COG5: variants seen among roughly 807,000 people sequenced by gnomAD.
COG5 encodes the protein conserved oligomeric Golgi complex subunit 5.
In COG5, 86 loss-of-function variants were observed where a neutral mutation model predicts 110.4. The ratio of observed to expected loss-of-function variants is 0.78; its 90% CI spans 0.65 to 0.93. The LOEUF (loss-of-function observed/expected upper bound fraction) is 0.93, where lower values mean the gene tolerates loss of function less well. Ranked by LOEUF, COG5 falls within the 40% of genes least tolerant of loss-of-function variation. The pLI, the probability that COG5 is intolerant of heterozygous loss-of-function variation, is 0.00. For synonymous variants in COG5, 360 were observed against 334.6 expected (o/e 1.08, Z -0.83); for missense variants, 1,077 against 987.0 (o/e 1.09, Z -1.22).
chr7:107,502,114 A>C (rs1329774987), intron 6 of COG5, among the ~76,000 whole-genome samples: 1 of 152,094 alleles, frequency 6.6e-6, no homozygotes, highest in Non-Finnish European at 1.5e-5. Context: ...TACACCTATC[A>C]CACAAGTAGT....
chr7:107,416,709 G>A (rs538756804), intron 6 of COG5, among the ~76,000 whole-genome samples: 10 of 152,070 alleles, frequency 6.6e-5, no homozygotes, highest in East Asian at 1.9e-4. Context: ...CAAAAAAGAC[G>A]GACCATGTCA....
intron 6 of COG5, among the ~76,000 whole-genome samples, chr7:107,427,813 G>A (rs972940733): frequency 1.3e-5 from 2 of 152,026 alleles, no homozygotes; most frequent in African/African-American, 4.8e-5. Context: ...CTGCATCCAA[G>A]AAGAATGACA....
At chr7:107,337,763 A>G (rs1185951196) in intron 10 of COG5, among the ~76,000 whole-genome samples, 1 of 152,136 alleles carries the variant, frequency 6.6e-6, no homozygotes, top group Non-Finnish European at 1.5e-5. Flanking sequence ...AGTTAACAAC[A>G]ATGTATTTTT....
At chr7:107,468,901 A>C (rs1451349391) in intron 6 of COG5, among the ~76,000 whole-genome samples, 1 of 151,886 alleles carries the variant, frequency 6.6e-6, no homozygotes, top group Non-Finnish European at 1.5e-5. Context: ...TTATCTACTT[A>C]AGTCTAAAAG....
At chr7:107,419,376 T>C (rs898158242) in intron 6 of COG5, among the ~76,000 whole-genome samples, 6 of 152,100 alleles carry the variant, frequency 3.9e-5, no homozygotes, top group African/African-American at 1.4e-4. Flanking sequence ...ATGAATACAA[T>C]GCTTATTCCA....
intron 7 of COG5, among the ~76,000 whole-genome samples, chr7:107,409,681 CAAAGT>C (rs1172583842): frequency 2.0e-5 from 3 of 152,206 alleles, no homozygotes; most frequent in Non-Finnish European, 2.9e-5. Context: ...AGCCAAAAAG[CAAAGT>C]AAAGAAGCAG....
intron 11 of COG5, among the ~76,000 whole-genome samples, chr7:107,308,423 T>G (rs566837299): frequency 1.3e-5 from 2 of 152,272 alleles, no homozygotes; most frequent in South Asian, 4.1e-4. Context: ...ATTCCAGGTT[T>G]TATCATTTCT....
At chr7:107,263,237 T>C (rs929727387) in intron 14 of COG5, among the ~76,000 whole-genome samples, 72 of 152,228 alleles carry the variant, frequency 4.7e-4, no homozygotes, top group African/African-American at 1.7e-3. Flanking sequence ...AGCCATTTCC[T>C]GTAAGCTCCT....
rs141605638 is a variant in COG5, at chr7:107,296,121, A to ACCTT, written c.1313+2017_1313+2020dup. 5.6e-3 allele frequency among the ~76,000 whole-genome samples: 805 copies of ACCTT among 143,060 alleles called. 9 individuals are homozygous for ACCTT. The highest frequency in any genetic ancestry group is 0.02 in the African/African-American group (778 of 38,744). The allele number at this position is 143,060 out of a possible 152,430, so 93.9% of individuals were successfully genotyped here. A position where few individuals can be genotyped will look rare whatever the true frequency, so the allele number is the denominator to read the frequency against. On this transcript the variant is annotated intron_variant, in intron 12 of 21. Coordinates refer to ENST00000297135, the MANE Select transcript of COG5 (RefSeq NM_006348.5). Reference sequence around the variant, plus strand: ...CCCTTCCTTCCTCACACAGTGACCTACCTTCCTTCCTTCCTTCCTTCTTTC... The same window carrying ACCTT: ...CCCTTCCTTCCTCACACAGTGACCTACCTTCCTTCCTTCCTTCCTTCCTTCTTTC...
intron 12 of COG5, among the ~76,000 whole-genome samples, chr7:107,294,932 C>T (rs181261351): frequency 0.027 from 2,592 of 95,276 alleles, 129 homozygotes; most frequent in African/African-American, 0.1. Flanking sequence ...TGTATATATA[C>T]ACACACACAC....
At chr7:107,512,964 T>C (rs940651673) in intron 6 of COG5, among the ~76,000 whole-genome samples, 6 of 152,030 alleles carry the variant, frequency 3.9e-5, no homozygotes, top group Non-Finnish European at 4.4e-5. Context: ...ACCTAGGCAA[T>C]ACCATTCAGG....
chr7:107,264,987 A>G (rs773268554), intron 14 of COG5, among the ~76,000 whole-genome samples: 7 of 152,192 alleles, frequency 4.6e-5, no homozygotes, highest in Admixed American at 4.6e-4. Flanking sequence ...AATAGTATGA[A>G]GCATTACATA....
At position 107,203,508 on chromosome 7, in the gene COG5, T is replaced by G. The variant is rs750444305; in HGVS notation, c.*8A>C. The stretch of plus-strand genomic sequence containing the variant: ...CACAAAGTGGAGATGAACAAAGATT[T>G]CATGTCATTACTGAAGAGCAGACAT... On this transcript the variant is annotated 3_prime_UTR_variant, in exon 22 of 22. Transcript: ENST00000297135. 8.2e-6 allele frequency: 13 copies of G among 1,589,476 alleles called. No individual in the cohort carries two copies. In the Middle Eastern group the frequency reaches 6.6e-4, roughly 81 times the overall value.
intron 6 of COG5, among the ~76,000 whole-genome samples, chr7:107,419,464 T>C (rs941525210): frequency 1.3e-5 from 2 of 151,880 alleles, no homozygotes; most frequent in African/African-American, 4.8e-5. Context: ...TATTTTTTTC[T>C]AATAGTAAAA....
intron 5 of COG5, among the ~76,000 whole-genome samples, chr7:107,529,665 A>G (rs575297502): frequency 2.0e-5 from 3 of 152,334 alleles, no homozygotes; most frequent in African/African-American, 7.2e-5. Flanking sequence ...CCTCGGATCA[A>G]GGTTAAACAC....
At chr7:107,332,665 A>G (rs1004307839) in intron 10 of COG5, among the ~76,000 whole-genome samples, 1 of 152,148 alleles carries the variant, frequency 6.6e-6, no homozygotes, top group African/African-American at 2.4e-5. Flanking sequence ...GCACTGACCA[A>G]CAAGGTTTCA....
intron 14 of COG5, among the ~76,000 whole-genome samples, chr7:107,272,964 C>G (rs1804399805): frequency 6.6e-6 from 1 of 152,142 alleles, no homozygotes; most frequent in African/African-American, 2.4e-5. Context: ...TACTCAAATG[C>G]AGAGTTTTAG....
intron 6 of COG5, among the ~76,000 whole-genome samples, chr7:107,431,279 A>T (rs1045961937): frequency 2.6e-5 from 4 of 152,254 alleles, no homozygotes; most frequent in African/African-American, 7.2e-5. Context: ...AGCAAAAATA[A>T]AAAAGAATGA....
At chr7:107,488,154 C>T (rs1168034793) in intron 6 of COG5, among the ~76,000 whole-genome samples, 4 of 148,072 alleles carry the variant, frequency 2.7e-5, no homozygotes, top group Admixed American at 2.7e-4. Context: ...TATTCCAAGC[C>T]CATTTATTTA....
Sources: gnomAD v4.1 joint callset for allele counts (sites outside exome capture counted in the v4.1 genomes callset) on GRCh38, gnomAD v4.1.1 for gene constraint, MANE v1.5 for transcripts, NCBI Gene and HGNC (gene_info 2026-07-23, HGNC 2026-07-21) for gene names.